ZEB1: variants seen among roughly 807,000 people sequenced by gnomAD.
ZEB1 encodes zinc finger E-box binding homeobox 1.
Under a neutral mutation model 84.9 loss-of-function variants are expected in ZEB1, and 21 were observed. The ratio of observed to expected loss-of-function variants is 0.25; its 90% CI spans 0.18 to 0.36. The LOEUF is 0.36. Ranked by LOEUF, ZEB1 falls within the 10% of genes least tolerant of loss-of-function variation. The pLI, the probability that ZEB1 is intolerant of heterozygous loss-of-function variation, is 1.00. For synonymous variants in ZEB1, 420 were observed against 471.1 expected (o/e 0.89, Z 1.41); for missense variants, 1,104 against 1,330.2 (o/e 0.83, Z 2.65).
intron 1 of ZEB1, among the ~76,000 whole-genome samples, chr10:31,421,062 A>G (rs1343636337): frequency 6.6e-6 from 1 of 152,144 alleles, no homozygotes; most frequent in Non-Finnish European, 1.5e-5. Context: ...TCATCAGATA[A>G]TAAAACAAAT....
chr10:31,458,850 T>C (rs1287444474), intron 1 of ZEB1, among the ~76,000 whole-genome samples: 1 of 152,150 alleles, frequency 6.6e-6, no homozygotes, highest in Non-Finnish European at 1.5e-5. Context: ...GAATGCTGTG[T>C]AGCTATCCAG....
intron 1 of ZEB1, among the ~76,000 whole-genome samples, chr10:31,386,214 A>C (rs2048616580): frequency 6.6e-6 from 1 of 151,868 alleles, no homozygotes; most frequent in Non-Finnish European, 1.5e-5. Context: ...ATATTTTAAA[A>C]TACTCTGCAT....
chr10:31,401,788 A>G (rs959633361), intron 1 of ZEB1, among the ~76,000 whole-genome samples: 1 of 152,154 alleles, frequency 6.6e-6, no homozygotes, highest in Non-Finnish European at 1.5e-5. Context: ...TTTCTGATAT[A>G]TTTTTAACCA....
chr10:31,322,908 A>G (rs1398889441), intron 1 of ZEB1, among the ~76,000 whole-genome samples: 1 of 152,064 alleles, frequency 6.6e-6, no homozygotes, highest in Non-Finnish European at 1.5e-5. Flanking sequence ...AAAAATGATT[A>G]TTGGTGTGGT....
At chr10:31,322,447 C>T (rs140318615) in intron 1 of ZEB1, among the ~76,000 whole-genome samples, 7 of 152,092 alleles carry the variant, frequency 4.6e-5, no homozygotes, top group Admixed American at 1.3e-4. Flanking sequence ...AAATAAGATA[C>T]GTGGATTTTG....
At chr10:31,439,176 A>G (rs1427311824) in intron 1 of ZEB1, among the ~76,000 whole-genome samples, 4 of 152,094 alleles carry the variant, frequency 2.6e-5, no homozygotes, top group Non-Finnish European at 5.9e-5. Context: ...TACTGCATCT[A>G]CTGTATTTTC....
At chr10:31,503,670 AT>A (rs1356083721) in intron 4 of ZEB1, among the ~76,000 whole-genome samples, 1 of 151,772 alleles carries the variant, frequency 6.6e-6, no homozygotes, top group Non-Finnish European at 1.5e-5. Flanking sequence ...GGCTGTCCTA[AT>A]TTTCATTCCC....
chr10:31,399,549 T>C (rs2051508040), intron 1 of ZEB1, among the ~76,000 whole-genome samples: 1 of 152,164 alleles, frequency 6.6e-6, no homozygotes, highest in African/African-American at 2.4e-5. Flanking sequence ...TCTCTACTCC[T>C]ACAACCCTGA....
At chr10:31,379,967 C>T (rs1170305514) in intron 1 of ZEB1, among the ~76,000 whole-genome samples, 2 of 152,134 alleles carry the variant, frequency 1.3e-5, no homozygotes, top group Non-Finnish European at 2.9e-5. Context: ...TTACATCCAA[C>T]AAAATTAACA....
In ZEB1 at chr10:31,520,698, T is replaced by A; in HGVS notation, c.1366T>A (p.Ser456Thr). 6.2e-7 allele frequency: 1 copy of A among 1,614,094 alleles called. No individual in the cohort carries two copies. The highest frequency in any genetic ancestry group is 8.5e-7 in the Non-Finnish European group (1 of 1,179,998). The change falls in exon 7 of 9, where the codon TCT (serine) becomes ACT (threonine). Residue 456 changes from serine to threonine, a missense_variant. Coordinates refer to ENST00000424869, the MANE Select transcript of ZEB1 (RefSeq NM_001174096.2). The surrounding 1 kb of genome is among the most constrained non-coding windows in gnomAD (Gnocchi z 5.1). ...TTCACCCATACAACAAGGTGGCCAT[T>A]CTGTTATTTCAGCCATCAGTCTTCC... Reference protein sequence around the residue: ...NASPIQQGGHSVISAISLPLV... With the variant: ...NASPIQQGGHTVISAISLPLV...
At position 31,485,477 on chromosome 10, in the gene ZEB1, AAAACT is replaced by A. The variant is rs1408898694; in HGVS notation, c.260-10297_260-10293del. 2.6e-5 allele frequency among the ~76,000 whole-genome samples: 4 copies of A among 151,930 alleles called. No individual in the cohort carries two copies. The East Asian group carries it at 5.8e-4, about 22-fold the overall frequency. ...CCTCATTTCTTTTTATTCCTAAAGT[AAAACT>A]ACTCATAAGATTTCTGGATCTGATT... On this transcript the variant is annotated intron_variant, in intron 2 of 8. Coordinates refer to ENST00000424869, the MANE Select transcript of ZEB1 (RefSeq NM_001174096.2).
At chr10:31,438,397 A>G (rs1215832434) in intron 1 of ZEB1, among the ~76,000 whole-genome samples, 1 of 152,242 alleles carries the variant, frequency 6.6e-6, no homozygotes, top group Admixed American at 6.5e-5. Context: ...AAATCCACAG[A>G]TATTTATTTA....
chr10:31,427,374 T>C (rs2057081656), intron 1 of ZEB1, among the ~76,000 whole-genome samples: 1 of 152,114 alleles, frequency 6.6e-6, no homozygotes, highest in South Asian at 2.1e-4. Flanking sequence ...CCCAACTCAG[T>C]AGGTATAAGC....
intron 4 of ZEB1, among the ~76,000 whole-genome samples, chr10:31,503,676 A>G (rs1023153869): frequency 1.3e-5 from 2 of 151,840 alleles, no homozygotes; most frequent in African/African-American, 4.8e-5. Context: ...CCTAATTTTC[A>G]TTCCCACCAA....
At chr10:31,375,849 T>C (rs1010896588) in intron 1 of ZEB1, among the ~76,000 whole-genome samples, 3 of 151,754 alleles carry the variant, frequency 2.0e-5, no homozygotes, top group African/African-American at 4.8e-5. Context: ...CTTTTAAATG[T>C]AGAAATAAAA....
At chr10:31,472,803 T>A (rs1353841311) in intron 2 of ZEB1, among the ~76,000 whole-genome samples, 1 of 139,024 alleles carries the variant, frequency 7.2e-6, no homozygotes, top group Non-Finnish European at 1.5e-5. Context: ...GATGCAAAAA[T>A]CCTCAGTAAA....
chr10:31,467,857 G>C (rs11008506), intron 2 of ZEB1, among the ~76,000 whole-genome samples: 16,908 of 152,082 alleles, frequency 0.11, 2,565 homozygotes, highest in African/African-American at 0.34. Context: ...GCTTTCTGCT[G>C]CAGGGAGTCT....
At chr10:31,422,563 A>G (rs1486196654) in intron 1 of ZEB1, among the ~76,000 whole-genome samples, 1 of 152,152 alleles carries the variant, frequency 6.6e-6, no homozygotes, top group Non-Finnish European at 1.5e-5. Flanking sequence ...AAACAGCATT[A>G]AAGATGGTGC....
intron 1 of ZEB1, among the ~76,000 whole-genome samples, chr10:31,326,063 A>G (rs973942783): frequency 2.6e-5 from 4 of 151,814 alleles, no homozygotes; most frequent in Non-Finnish European, 2.9e-5. Flanking sequence ...TTAATATGGA[A>G]GATTCATCTT....
Sources: allele counts gnomAD v4.1 joint callset (sites outside exome capture counted in the v4.1 genomes callset), GRCh38; gene constraint gnomAD v4.1.1; non-coding constraint Gnocchi (gnomAD v3.1); transcripts MANE v1.5; gene names NCBI Gene and HGNC (gene_info 2026-07-23, HGNC 2026-07-21).